Variants in CTNNA3 observed in about 807,000 individuals in gnomAD.
CTNNA3 encodes the protein catenin alpha 3, also known as catenin alpha-3.
In CTNNA3, 76 loss-of-function variants were observed where a neutral mutation model predicts 95.7. The observed-to-expected ratio is 0.79, with a 90% CI of 0.66 to 0.96. CTNNA3 has a LOEUF of 0.96. Among genes scored for constraint, CTNNA3 ranks in the 40% least tolerant of loss-of-function variants. CTNNA3 has a pLI of 0.00. For synonymous variants in CTNNA3, 431 were observed against 374.4 expected, an observed-to-expected ratio of 1.15 and a Z score of -1.74; for missense variants, 1,191 against 1,089.8, an observed-to-expected ratio of 1.09 and a Z score of -1.31.
At chr10:67,094,473 C>G (rs1320921941) in intron 7 of CTNNA3, among the ~76,000 whole-genome samples, 9 of 151,780 alleles carry the variant, frequency 5.9e-5, no homozygotes, top group African/African-American at 9.6e-5. Flanking sequence ...ATTGGGGGAA[C>G]AGTGTATAAT....
chr10:67,532,889 C>T (rs955146028), intron 4 of CTNNA3, among the ~76,000 whole-genome samples: 6 of 152,208 alleles, frequency 3.9e-5, no homozygotes, highest in African/African-American at 1.4e-4. Flanking sequence ...CCCAAAATCA[C>T]CCAGCTAATC....
intron 1 of CTNNA3, among the ~76,000 whole-genome samples, chr10:67,686,225 G>A (rs1000875197): frequency 2.6e-5 from 4 of 152,224 alleles, no homozygotes; most frequent in African/African-American, 9.6e-5. Flanking sequence ...GCTTGGGTAA[G>A]TGCCACTAGT....
At chr10:66,740,298 A>G (rs1005133853) in intron 9 of CTNNA3, among the ~76,000 whole-genome samples, 7 of 152,216 alleles carry the variant, frequency 4.6e-5, no homozygotes, top group Non-Finnish European at 7.3e-5. Flanking sequence ...ACAGTTTCTG[A>G]ATGACGATGC....
intron 3 of CTNNA3, among the ~76,000 whole-genome samples, chr10:67,580,999 T>G (rs1286249459): frequency 6.6e-6 from 1 of 152,208 alleles, no homozygotes; most frequent in Non-Finnish European, 1.5e-5. Flanking sequence ...TCATGTCATC[T>G]GCAAACAGAG....
chr10:67,118,683 C>G (rs1859310850), intron 7 of CTNNA3, among the ~76,000 whole-genome samples: 1 of 151,598 alleles, frequency 6.6e-6, no homozygotes, highest in Admixed American at 6.6e-5. Context: ...ATCTAAAGCA[C>G]AGTAGTAATA....
chr10:66,537,869 A>G (rs1841714821), intron 10 of CTNNA3, among the ~76,000 whole-genome samples: 1 of 151,208 alleles, frequency 6.6e-6, no homozygotes, highest in Admixed American at 6.6e-5. Flanking sequence ...CTCAAAGCAG[A>G]AAAAAAAAGA....
Position 66,245,354 on chromosome 10 carries a change from G to T in CTNNA3, c.1884+35116C>A, listed in dbSNP as rs1010943871. 2.0e-5 allele frequency among the ~76,000 whole-genome samples: 3 copies of T among 152,298 alleles called. No individual in the cohort carries two copies. The East Asian group carries it at 5.8e-4, about 30-fold the overall frequency. ...ACAGCCCTGACTCTGGGAGCTCCCAGGTCTGGGATCCCTGAGGGGCCACAG... is the reference window on the plus strand; with the variant it reads ...ACAGCCCTGACTCTGGGAGCTCCCATGTCTGGGATCCCTGAGGGGCCACAG... On this transcript the variant is annotated intron_variant, in intron 13 of 17. Transcript: ENST00000433211.
intron 5 of CTNNA3, among the ~76,000 whole-genome samples, chr10:67,416,531 C>T (rs376376368): frequency 6.7e-6 from 1 of 149,460 alleles, no homozygotes; most frequent in African/African-American, 2.5e-5. Flanking sequence ...TGGCGTGAAC[C>T]CGGGGGGCGG....
chr10:67,239,690 A>T (rs996415112), intron 5 of CTNNA3, among the ~76,000 whole-genome samples: 1 of 152,190 alleles, frequency 6.6e-6, no homozygotes, highest in Admixed American at 6.5e-5. Flanking sequence ...GAAAAACAAA[A>T]AGTAAAGCCA....
chr10:65,924,607 C>T (rs2077137701), intron 17 of CTNNA3, among the ~76,000 whole-genome samples: 1 of 152,024 alleles, frequency 6.6e-6, no homozygotes, highest in South Asian at 2.1e-4. Flanking sequence ...TCTTAGCTCA[C>T]TTCTCTCTCT....
At chr10:67,222,158 G>A (rs781505649) in intron 5 of CTNNA3, among the ~76,000 whole-genome samples, 1 of 152,110 alleles carries the variant, frequency 6.6e-6, no homozygotes, top group Non-Finnish European at 1.5e-5. Flanking sequence ...CTTCCCTTCT[G>A]AAAATAAACA....
chr10:66,796,354 T>C (rs1187989562), intron 7 of CTNNA3, among the ~76,000 whole-genome samples: 1 of 152,056 alleles, frequency 6.6e-6, no homozygotes, highest in Non-Finnish European at 1.5e-5. Context: ...AGGACAGAGA[T>C]TGGGGAACAC....
intron 7 of CTNNA3, among the ~76,000 whole-genome samples, chr10:66,929,417 GCTCTGTC>G (rs1045631969): frequency 2.0e-5 from 3 of 152,120 alleles, no homozygotes; most frequent in African/African-American, 7.2e-5. Flanking sequence ...AGAATCCTTA[GCTCTGTC>G]CTGTTCTGTT....
intron 11 of CTNNA3, among the ~76,000 whole-genome samples, chr10:66,440,569 T>A (rs2093368174): frequency 6.6e-6 from 1 of 152,174 alleles, no homozygotes; most frequent in Non-Finnish European, 1.5e-5. Flanking sequence ...AAATGACCAA[T>A]CTTTAGTGAC....
chr10:67,728,034 ATATAAT>A (rs1003809739), intron 1 of CTNNA3, among the ~76,000 whole-genome samples: 1 of 141,506 alleles, frequency 7.1e-6, no homozygotes, highest in Non-Finnish European at 1.5e-5. Context: ...TATATATGAT[ATATAAT>A]TATAATTATA....
intron 1 of CTNNA3, among the ~76,000 whole-genome samples, chr10:67,676,648 C>T (rs1215750007): frequency 6.6e-6 from 1 of 152,142 alleles, no homozygotes. Flanking sequence ...TGCTGGTGCT[C>T]TGTTCCTGGT....
chr10:66,160,325 C>G (rs1018024788), intron 13 of CTNNA3, among the ~76,000 whole-genome samples: 12 of 151,992 alleles, frequency 7.9e-5, no homozygotes, highest in African/African-American at 2.9e-4. Flanking sequence ...GGGCTATGAA[C>G]TTTCCTTTTA....
chr10:65,983,763 A>C (rs1377978093), intron 16 of CTNNA3, among the ~76,000 whole-genome samples: 1 of 151,438 alleles, frequency 6.6e-6, no homozygotes, highest in Non-Finnish European at 1.5e-5. Context: ...GGGAAAATTA[A>C]ACAGAAGGTT....
intron 7 of CTNNA3, among the ~76,000 whole-genome samples, chr10:66,920,386 C>T (rs575012314): frequency 6.6e-6 from 1 of 152,286 alleles, no homozygotes; most frequent in East Asian, 1.9e-4. Flanking sequence ...ATAAACAGTA[C>T]ATGTGTTGAG....
Sources: gnomAD v4.1 joint callset for allele counts (sites outside exome capture counted in the v4.1 genomes callset) on GRCh38, gnomAD v4.1.1 for gene constraint, MANE v1.5 for transcripts, NCBI Gene and HGNC (gene_info 2026-07-23, HGNC 2026-07-21) for gene names.